The following FAF1 variants were observed in gnomAD, a reference collection of about 807,000 sequenced individuals.
The protein encoded by FAF1 is FAS-associated factor 1.
A neutral mutation model predicts 92.5 loss-of-function variants in FAF1; 25 were observed. The ratio of observed to expected loss-of-function variants is 0.27; its 90% confidence interval spans 0.20 to 0.38. FAF1 has a LOEUF of 0.38. Ranked by LOEUF, FAF1 falls within the 10% of genes least tolerant of loss-of-function variation. The pLI is 1.00. For missense variants in FAF1, 636 were observed against 793.3 expected, an observed-to-expected ratio of 0.80 and a Z score of 2.38; for synonymous variants, 234 against 273.2, an observed-to-expected ratio of 0.86 and a Z score of 1.42.
At chr1:50,701,867 A>C (rs952971755) in intron 7 of FAF1, among the ~76,000 whole-genome samples, 1 of 152,088 alleles carries the variant, frequency 6.6e-6, no homozygotes, top group Admixed American at 6.6e-5. Flanking sequence ...TCATGCCATT[A>C]AGAACTAAAT....
At chr1:50,722,451 A>C (rs1197133333) in intron 6 of FAF1, among the ~76,000 whole-genome samples, 1 of 152,148 alleles carries the variant, frequency 6.6e-6, no homozygotes, top group Non-Finnish European at 1.5e-5. Context: ...GATTGAGACC[A>C]GCCTGGCTAA....
At chr1:50,893,587 G>A (rs1557578595) in intron 1 of FAF1, among the ~76,000 whole-genome samples, 1 of 152,158 alleles carries the variant, frequency 6.6e-6, no homozygotes, top group Non-Finnish European at 1.5e-5. Context: ...TGGGGGTGGG[G>A]TGACACAAGT....
At chr1:50,473,412 AAG>A (rs1184946890) in intron 18 of FAF1, among the ~76,000 whole-genome samples, 3 of 152,186 alleles carry the variant, frequency 2.0e-5, no homozygotes, top group African/African-American at 7.2e-5. Flanking sequence ...CCCGTTCAGA[AAG>A]GGAGTGACTT....
intron 18 of FAF1, among the ~76,000 whole-genome samples, chr1:50,464,769 T>A (rs1049724445): frequency 3.3e-5 from 5 of 152,176 alleles, no homozygotes; most frequent in Non-Finnish European, 7.3e-5. Flanking sequence ...TGAGGACACA[T>A]GACATTATCC....
At chr1:50,948,776 T>C (rs1317980958) in intron 1 of FAF1, among the ~76,000 whole-genome samples, 2 of 152,148 alleles carry the variant, frequency 1.3e-5, no homozygotes, top group African/African-American at 4.8e-5. Context: ...TCCACCGGCC[T>C]TGGCCTCCCA....
intron 12 of FAF1, among the ~76,000 whole-genome samples, chr1:50,569,436 T>C (rs1048904873): frequency 6.6e-6 from 1 of 152,166 alleles, no homozygotes; most frequent in African/African-American, 2.4e-5. Context: ...GCAATGGCAA[T>C]GTAAAATCAG....
At chr1:50,871,649 TA>T (rs1644529016) in intron 1 of FAF1, among the ~76,000 whole-genome samples, 1 of 152,208 alleles carries the variant, frequency 6.6e-6, no homozygotes, top group African/African-American at 2.4e-5. Context: ...ACCTACTGCT[TA>T]GAAAAACAGA....
chr1:50,868,859 G>T (rs1041807661), intron 1 of FAF1, among the ~76,000 whole-genome samples: 3 of 152,070 alleles, frequency 2.0e-5, no homozygotes, highest in African/African-American at 4.8e-5. Context: ...ATATAAATGT[G>T]TATTCTATCT....
rs746960199 is a variant in FAF1, at chr1:50,857,971, G to A, written c.72C>T (p.Asp24=). The change falls in exon 2 of 19, where the codon GAC becomes GAT. Residue 24 remains aspartate (D), a synonymous_variant. Coordinates refer to ENST00000396153, the MANE Select transcript of FAF1 (RefSeq NM_007051.3). ...TTTGTTCAAGCAATGTAATAGCTTC[G>A]TCAATGTTTTCAATGCCAGTACATG... ...FQACTGIENI[D]EAITLLEQNN... The A allele has an allele frequency of 2.1e-5, 33 of 1,601,430 alleles. No homozygotes were observed. Among genetic ancestry groups the A allele is most frequent in the Admixed American group, 6.9e-5 (4 of 58,366 alleles).
At chr1:50,750,174 C>A (rs1659797649) in intron 4 of FAF1, among the ~76,000 whole-genome samples, 1 of 152,164 alleles carries the variant, frequency 6.6e-6, no homozygotes, top group African/African-American at 2.4e-5. Flanking sequence ...CAAGATGGCA[C>A]TGCCACTGCA....
chr1:50,626,533 C>G (rs896263139), intron 8 of FAF1, among the ~76,000 whole-genome samples: 1 of 152,048 alleles, frequency 6.6e-6, no homozygotes, highest in African/African-American at 2.4e-5. Context: ...AGCTAGTGAA[C>G]AGAGAACAAG....
At chr1:50,809,097 A>C (rs891758855) in intron 2 of FAF1, among the ~76,000 whole-genome samples, 1 of 152,214 alleles carries the variant, frequency 6.6e-6, no homozygotes, top group African/African-American at 2.4e-5. Context: ...ACAATATATC[A>C]GAAACTCTGG....
At chr1:50,713,773 CTTT>C (rs58832551) in intron 6 of FAF1, among the ~76,000 whole-genome samples, 3 of 119,518 alleles carry the variant, frequency 2.5e-5, no homozygotes, top group Non-Finnish European at 1.7e-5. Context: ...AATGTAAAAG[CTTT>C]TTTTTTTTTT....
intron 17 of FAF1, among the ~76,000 whole-genome samples, 180 bp downstream of exon 17, chr1:50,490,384 AAAGGAAGGAAGGAAGGAAGGAAGG>A (rs199911582): frequency 8.6e-4 from 30 of 34,832 alleles, no homozygotes; most frequent in East Asian, 2.2e-3. Flanking sequence ...TCTATCTCAA[AAAGGAAGGAAGGAAGGAAGGAAGG>A]AAGGAAGGAA....
At chr1:50,699,424 C>T (rs1657373784) in intron 7 of FAF1, among the ~76,000 whole-genome samples, 2 of 151,878 alleles carry the variant, frequency 1.3e-5, no homozygotes, top group South Asian at 4.1e-4. Context: ...TGTTTGAAAG[C>T]ATATTCCAAA....
intron 3 of FAF1, among the ~76,000 whole-genome samples, chr1:50,796,337 G>C (rs1661749624): frequency 6.6e-6 from 1 of 152,114 alleles, no homozygotes; most frequent in Non-Finnish European, 1.5e-5. Flanking sequence ...ACTGATGTTA[G>C]CTTCTAGCTT....
At chr1:50,784,844 GAAC>G in intron 4 of FAF1, among the ~76,000 whole-genome samples, 1 of 152,132 alleles carries the variant, frequency 6.6e-6, no homozygotes, top group East Asian at 1.9e-4. Flanking sequence ...CCAACTAATA[GAAC>G]AAAACTGAAA....
intron 8 of FAF1, among the ~76,000 whole-genome samples, chr1:50,646,163 T>C (rs1421570422): frequency 6.6e-6 from 1 of 152,184 alleles, no homozygotes; most frequent in Non-Finnish European, 1.5e-5. Context: ...ATCTAAATAA[T>C]AGTAATGTTA....
chr1:50,694,746 G>A (rs1657109729), intron 7 of FAF1, among the ~76,000 whole-genome samples: 1 of 141,236 alleles, frequency 7.1e-6, no homozygotes, highest in African/African-American at 2.7e-5. Context: ...AGGAGTTCGA[G>A]ACTAGCCTGG....
Sources: allele counts gnomAD v4.1 joint callset (sites outside exome capture counted in the v4.1 genomes callset), GRCh38; gene constraint gnomAD v4.1.1; transcripts MANE v1.5; gene names NCBI Gene and HGNC (gene_info 2026-07-23, HGNC 2026-07-21).